CEP112: variants seen among roughly 807,000 people sequenced by gnomAD.
CEP112 encodes the protein centrosomal protein 112.
CEP112 carries 127 observed loss-of-function variants against 153.0 expected under a neutral mutation model. That is an observed-to-expected ratio of 0.83 (90% CI 0.72 to 0.96). CEP112 has a LOEUF of 0.96. CEP112 is among the 40% of genes least tolerant of loss of function. CEP112 has a pLI of 0.00. For synonymous variants in CEP112, 358 were observed against 374.4 expected, an observed-to-expected ratio of 0.96 and a Z score of 0.51; for missense variants, 1,089 against 1,101.2, an observed-to-expected ratio of 0.99 and a Z score of 0.16.
intron 20 of CEP112, among the ~76,000 whole-genome samples, chr17:65,878,609 A>G (rs1484365932): frequency 6.6e-6 from 1 of 152,150 alleles, no homozygotes. Context: ...GGAATGGAAC[A>G]TGCTGTGAAA....
intron 12 of CEP112, 41 bp from the exon 13 acceptor site, chr17:66,030,064 T>G (rs752455659): frequency 6.4e-7 from 1 of 1,560,780 alleles, no homozygotes; most frequent in South Asian, 1.2e-5. Flanking sequence ...TCTGACTCAG[T>G]TGTAACACTT....
chr17:65,661,120 A>G (rs887935418), intron 24 of CEP112, among the ~76,000 whole-genome samples: 1 of 152,116 alleles, frequency 6.6e-6, no homozygotes, highest in East Asian at 1.9e-4. Context: ...ATTTTCCCCA[A>G]AAGTCCCATG....
Position 65,876,457 on chromosome 17 carries a change from A to G in CEP112, c.2164-24423T>C, listed in dbSNP as rs553796163. 3.9e-5 allele frequency among the ~76,000 whole-genome samples: 6 copies of G among 152,332 alleles called. No individual in the cohort carries two copies. In the East Asian group the frequency reaches 1.2e-3, roughly 29 times the overall value. On this transcript the variant is annotated intron_variant, in intron 20 of 26. Coordinates refer to ENST00000535342, the MANE Select transcript of CEP112 (RefSeq NM_001199165.4). The stretch of plus-strand genomic sequence containing the variant: ...TGATGCCAATCTATCTTGTTCCTAC[A>G]TAGAGGACCTGATTTTCCTCTGGGA...
chr17:65,828,089 A>G (rs879927813), intron 21 of CEP112, among the ~76,000 whole-genome samples: 1 of 152,238 alleles, frequency 6.6e-6, no homozygotes, highest in Non-Finnish European at 1.5e-5. Context: ...CTGAGGGGAC[A>G]GGAATATATG....
chr17:66,040,424 G>T (rs1453491839), intron 12 of CEP112, among the ~76,000 whole-genome samples: 1 of 150,866 alleles, frequency 6.6e-6, no homozygotes, highest in African/African-American at 2.4e-5. Context: ...TATTTAAAAT[G>T]CAAGACCTTT....
intron 21 of CEP112, among the ~76,000 whole-genome samples, chr17:65,812,066 T>G (rs1356730769): frequency 6.6e-6 from 1 of 152,086 alleles, no homozygotes; most frequent in Admixed American, 6.5e-5. Flanking sequence ...TGCAGTGGCT[T>G]GATCTCGGCT....
intron 17 of CEP112, among the ~76,000 whole-genome samples, chr17:65,965,117 A>T (rs2062362009): frequency 6.6e-6 from 1 of 152,204 alleles, no homozygotes; most frequent in African/African-American, 2.4e-5. Flanking sequence ...ATTTAATAGG[A>T]TGAATCTTTT....
chr17:65,736,222 G>T (rs1326103603), intron 23 of CEP112, among the ~76,000 whole-genome samples: 1 of 152,106 alleles, frequency 6.6e-6, no homozygotes, highest in African/African-American at 2.4e-5. Context: ...GTAAGGGAAG[G>T]AAAGAATTAA....
intron 8 of CEP112, among the ~76,000 whole-genome samples, chr17:66,090,155 C>T (rs1437470484): frequency 6.6e-6 from 1 of 152,016 alleles, no homozygotes; most frequent in African/African-American, 2.4e-5. Flanking sequence ...TTCATGACCA[C>T]TAGACTTGTC....
In CEP112 at chr17:65,927,656, T is replaced by C. The variant is rs1334724655; in HGVS notation, c.1906A>G (p.Lys636Glu). The C allele has an allele frequency of 1.3e-6, 2 of 1,598,932 alleles. No homozygotes were observed. Among genetic ancestry groups the C allele is most frequent in the Non-Finnish European group, 1.7e-6 (2 of 1,175,504 alleles). The change falls in exon 19 of 27, where the codon AAA becomes GAA. Residue 636 changes from lysine (K) to glutamate (E), a missense_variant. Lys to Glu is a moderately conservative substitution (Grantham distance 56). Coordinates refer to ENST00000535342, the MANE Select transcript of CEP112 (RefSeq NM_001199165.4). ...EKVEADLTRS[K>E]SLREKQSKEF... ...TTTGATTGTTTCTCACGAAGAGATT[T>C]GGATCTAGTTAGATCTGCCTCCACT...
chr17:65,871,482 A>G (rs2058668508), intron 20 of CEP112, among the ~76,000 whole-genome samples: 1 of 152,068 alleles, frequency 6.6e-6, no homozygotes, highest in Admixed American at 6.6e-5. Context: ...AAAAATACAA[A>G]AAATTAGCCA....
intron 4 of CEP112, among the ~76,000 whole-genome samples, chr17:66,172,764 T>C (rs1420673065): frequency 1.3e-5 from 2 of 152,208 alleles, no homozygotes; most frequent in African/African-American, 4.8e-5. Context: ...TGACTAAGCA[T>C]AGCCACTGCA....
intron 16 of CEP112, among the ~76,000 whole-genome samples, chr17:66,025,450 T>A (rs1415369860): frequency 6.6e-6 from 1 of 151,478 alleles, no homozygotes; most frequent in Admixed American, 6.6e-5. Flanking sequence ...AGCAACAAAA[T>A]AATAATAATA....
chr17:66,144,989 C>T (rs2070861683), intron 4 of CEP112, among the ~76,000 whole-genome samples: 1 of 152,198 alleles, frequency 6.6e-6, no homozygotes, highest in Non-Finnish European at 1.5e-5. Flanking sequence ...CTCCCATCAA[C>T]AGTGTATGAG....
intron 1 of CEP112, among the ~76,000 whole-genome samples, chr17:66,190,489 TTA>T (rs2073122881): frequency 6.6e-6 from 1 of 152,084 alleles, no homozygotes; most frequent in African/African-American, 2.4e-5. Flanking sequence ...CTTAGAGTAA[TTA>T]TAGTGTGCCT....
chr17:66,122,675 C>T (rs1444156703), intron 6 of CEP112, among the ~76,000 whole-genome samples: 1 of 152,144 alleles, frequency 6.6e-6, no homozygotes, highest in South Asian at 2.1e-4. Context: ...GCTATTATGT[C>T]TACTAATTGC....
chr17:66,061,299 T>C (rs977772291), intron 11 of CEP112, among the ~76,000 whole-genome samples: 4 of 151,986 alleles, frequency 2.6e-5, no homozygotes, highest in African/African-American at 4.8e-5. Flanking sequence ...GGTGAGGATA[T>C]AGAGAAAAGA....
intron 1 of CEP112, among the ~76,000 whole-genome samples, chr17:66,185,725 C>T (rs2072905374): frequency 6.6e-6 from 1 of 152,152 alleles, no homozygotes; most frequent in Non-Finnish European, 1.5e-5. Flanking sequence ...GGGATGTGCG[C>T]TACCTTTACA....
chr17:66,157,180 T>C (rs1179804646), intron 4 of CEP112, among the ~76,000 whole-genome samples: 3 of 152,174 alleles, frequency 2.0e-5, no homozygotes, highest in African/African-American at 7.2e-5. Context: ...ATCGGATCTC[T>C]TGGCAGAAAC....
Sources: gnomAD v4.1 joint callset for allele counts (sites outside exome capture counted in the v4.1 genomes callset) on GRCh38, gnomAD v4.1.1 for gene constraint, MANE v1.5 for transcripts, NCBI Gene and HGNC (gene_info 2026-07-23, HGNC 2026-07-21) for gene names.